The following POLRMT variants were observed in gnomAD, a reference collection of about 807,000 sequenced individuals.
POLRMT encodes RNA polymerase mitochondrial.
POLRMT carries 114 observed loss-of-function variants against 132.2 expected under a neutral mutation model. The ratio of observed to expected loss-of-function variants is 0.86; its 90% CI spans 0.74 to 1.01. The LOEUF is 1.01. Ranked by LOEUF, POLRMT falls within the 50% of genes least tolerant of loss-of-function variation. The pLI is 0.00. For missense variants in POLRMT, 2,003 were observed against 1,729.1 expected (o/e 1.16, Z -2.81); for synonymous variants, 1,020 against 773.4 (o/e 1.32, Z -5.29).
At chr19:622,124 A>T in intron 9 of POLRMT, 25 bp downstream of exon 9, 1 of 1,511,200 alleles carries the variant, frequency 6.6e-7, no homozygotes, top group South Asian at 1.2e-5. Flanking sequence ...GATGCCCCCC[A>T]GCTCAGGAGG....
intron 4 of POLRMT, 33 bp from the exon 5 acceptor site, chr19:624,938 C>G: frequency 3.2e-6 from 5 of 1,581,404 alleles, no homozygotes; most frequent in Non-Finnish European, 4.3e-6. Flanking sequence ...GAGGGACGGG[C>G]CAGCCCCACG....
intron 20 of POLRMT, 37 bp from the exon 21 acceptor site, chr19:617,360 G>T: frequency 3.7e-6 from 6 of 1,612,532 alleles, no homozygotes; most frequent in Non-Finnish European, 5.1e-6. Flanking sequence ...TGGGTGGCGG[G>T]AAAGCCCCGC....
At chr19:617,531 G>T (rs761788637) in intron 19 of POLRMT, 39 bp downstream of exon 19, 12 of 1,608,800 alleles carry the variant, frequency 7.5e-6, no homozygotes, top group South Asian at 2.2e-5. Flanking sequence ...TTTGGGGTGG[G>T]GGGGGAATCC....
chr19:619,505 A>G (rs1205924420), intron 13 of POLRMT, 81 bp downstream of exon 13: 13 of 1,551,102 alleles, frequency 8.4e-6, no homozygotes, highest in East Asian at 4.5e-5. Context: ...TCCTGCTGGG[A>G]GGCTGGGTCG....
chr19:632,513 A>G (rs116637514), intron 2 of POLRMT, among the ~76,000 whole-genome samples: 4,062 of 144,784 alleles, frequency 0.028, 194 homozygotes, highest in African/African-American at 0.099. Context: ...CTGGCTCTGC[A>G]CATGTGGCCT....
rs776393262 is a variant in POLRMT, at chr19:618,793, C to G, written c.3268-33G>C. 5 of 1,567,606 alleles carry G rather than the reference C, an allele frequency of 3.2e-6. No individual in the cohort carries two copies. In the African/African-American group the frequency reaches 5.4e-5, roughly 17 times the overall value. ...GGGGAAGGGGCCGGTGAGTCCCACC[C>G]GAGGCCCAGCACGGTGGTGGTACAT... On this transcript the variant is annotated intron_variant, in intron 15 of 20. Coordinates refer to ENST00000588649, the MANE Select transcript of POLRMT (RefSeq NM_005035.4).
Position 617,616 on chromosome 19 carries a change from T to C in POLRMT, c.3535A>G (p.Ile1179Val), listed in dbSNP as rs1165357944. 1 of 1,612,296 alleles carries C rather than the reference T, an allele frequency of 6.2e-7. No homozygotes were observed. Among genetic ancestry groups the C allele is most frequent in the Non-Finnish European group, 8.5e-7 (1 of 1,179,974 alleles). ...EQFVRLHSEP[I>V]LQDLSRFLVK... ...AGGAATCTGGACAGGTCCTGCAGGA[T>C]GGGCTCGCTGTGCAAGCGGACAAAC... The change falls in exon 19 of 21, where the codon ATC (isoleucine) becomes GTC (valine). Residue 1179 changes from isoleucine to valine, a missense_variant. Coordinates refer to ENST00000588649, the MANE Select transcript of POLRMT (RefSeq NM_005035.4).
intron 3 of POLRMT, among the ~76,000 whole-genome samples, chr19:626,898 C>CACATATATATAT (rs371959370): frequency 2.0e-5 from 3 of 146,736 alleles, no homozygotes; most frequent in African/African-American, 7.6e-5. Context: ...CACACACACA[C>CACATATATATAT]ATATATATAT....
rs74836491 is a variant in POLRMT at position 625,375 on chromosome 19, G to A, written c.823-121C>T. 7,376 of 1,385,872 alleles carry A rather than the reference G, an allele frequency of 5.3e-3. 351 individuals carry two copies. In the African/African-American group the frequency reaches 0.097, roughly 18 times the overall value. The allele number at this position is 1,385,872 out of a possible 1,614,324, so 85.8% of individuals were successfully genotyped here. ...AGCAGGGGACAGGGTCACCAGGCAG[G>A]AGTGGCCAGCTGGGCAGACCGATGC... is the stretch of plus-strand genomic sequence containing the variant. On this transcript the variant is annotated intron_variant, in intron 3 of 20. Transcript: ENST00000588649.
Position 622,576 on chromosome 19 carries a change from C to A in POLRMT, c.1626+6G>T. On this transcript the variant is annotated splice_donor_region_variant and intron_variant, in intron 8 of 20. Coordinates refer to ENST00000588649, the MANE Select transcript of POLRMT (RefSeq NM_005035.4). ...CAGCCAGGAGGAGAGGGGGTGCGAG[C>A]CTCACCTCGGCGTCGGAGGCCAGCA... The A allele has an allele frequency of 6.3e-7, 1 of 1,595,352 alleles. No individual in the cohort carries two copies. Among genetic ancestry groups the A allele is most frequent in the Non-Finnish European group, 8.5e-7 (1 of 1,170,804 alleles).
Position 618,560 on chromosome 19 carries a change from T to C in POLRMT, c.3350A>G (p.Asn1117Ser), listed in dbSNP as rs1984206154. Residue 1117 changes from asparagine to serine, a missense_variant, in exon 17 of 21, where the codon AAC (asparagine) becomes AGC (serine). By Grantham distance (46) the Asn-to-Ser change is conservative (BLOSUM62 1). Transcript: ENST00000588649. Reference protein sequence around the residue: ...SRKPNTRKQKNGFPPNFIHSL... With the variant: ...SRKPNTRKQKSGFPPNFIHSL... ...GTGGATGAAGTTGGGCGGGAAGCCG[T>C]TCTTCTGCTTACGTGTGTTGGGCTT... 6.2e-7 allele frequency: 1 copy of C among 1,613,258 alleles called. No individual in the cohort carries two copies. Among genetic ancestry groups the C allele is most frequent in the East Asian group, 2.2e-5 (1 of 44,854 alleles).
chr19:631,114 G>A (rs1164338931), intron 2 of POLRMT, among the ~76,000 whole-genome samples: 1 of 151,908 alleles, frequency 6.6e-6, no homozygotes, highest in Non-Finnish European at 1.5e-5. Flanking sequence ...ACTCAAGATA[G>A]CGCCATTGAA....
rs749322319 is a variant in POLRMT, at chr19:625,112, G to A, written c.953+12C>T. ...CATGGTGGGGGGTGGGGGCCCTCCC[G>A]ACACCACCTACCTTTCGATGGTCCC... On this transcript the variant is annotated intron_variant, in intron 4 of 20. Transcript: ENST00000588649. 68 of 1,609,778 alleles carry A rather than the reference G, an allele frequency of 4.2e-5. No homozygotes were observed. The highest frequency in any genetic ancestry group is 5.5e-5 in the South Asian group (5 of 90,616).
At chr19:626,087 G>T (rs537676826) in intron 3 of POLRMT, among the ~76,000 whole-genome samples, 3 of 152,138 alleles carry the variant, frequency 2.0e-5, no homozygotes, top group Non-Finnish European at 4.4e-5. Flanking sequence ...CTGACAGGTG[G>T]TGTTTTCATT....
At position 622,234 on chromosome 19, in the gene POLRMT, A is replaced by C. The variant is rs1568168725; in HGVS notation, c.1766T>G (p.Met589Arg). ...ATGCGGCTTGTCCAGGCTGCATGGC[A>C]TCTGCGTAGCCTGCACCAGCATCTC... ...LAEMLVQATQ[M>R]PCSLDKPHRS... is the part of the protein sequence containing the mutation. The change falls in exon 9 of 21, where the codon ATG (methionine) becomes AGG (arginine). Residue 589 changes from methionine to arginine, a missense_variant. Transcript: ENST00000588649. The C allele has an allele frequency of 1.9e-6, 3 of 1,561,524 alleles. No individual in the cohort carries two copies. The highest frequency in any genetic ancestry group is 1.4e-5 in the African/African-American group (1 of 73,368).
At chr19:622,467 C>T (rs1984691153) in intron 8 of POLRMT, 94 bp from the exon 9 acceptor site, 3 of 1,465,878 alleles carry the variant, frequency 2.0e-6, no homozygotes, top group South Asian at 1.4e-5. Context: ...CATCTGTCAG[C>T]CCAAGCATAC....
rs776716235 is a variant in POLRMT, at chr19:630,106, C to T, written c.256G>A (p.Val86Met). The change falls in exon 3 of 21, where the codon GTG (valine) becomes ATG (methionine). Residue 86 changes from valine to methionine, a missense_variant. By Grantham distance (21) the Val-to-Met change is conservative (BLOSUM62 1). Transcript: ENST00000588649. ...CATTCTGGGAGCCGCGCCACATCCA[C>T]CCTGTTCACCACCACCTCCGACACG... Reference protein sequence around the residue: ...ESVSEVVVNRVDVARLPECGS... With the variant: ...ESVSEVVVNRMDVARLPECGS... 7 of 1,613,272 alleles carry T rather than the reference C, an allele frequency of 4.3e-6. No individual in the cohort carries two copies. In the South Asian group the frequency reaches 5.5e-5, roughly 13 times the overall value.
intron 6 of POLRMT, 53 bp downstream of exon 6, chr19:623,401 G>A (rs912333285): frequency 1.9e-6 from 3 of 1,591,230 alleles, no homozygotes; most frequent in East Asian, 2.3e-5. Flanking sequence ...CGGTGGACAC[G>A]CGACCCCGGC....
intron 2 of POLRMT, among the ~76,000 whole-genome samples, chr19:630,934 G>A (rs907138101): frequency 2.0e-5 from 3 of 152,164 alleles, no homozygotes; most frequent in Non-Finnish European, 2.9e-5. Context: ...GAGGCAGGAA[G>A]ATCACCTAAG....
Sources: gnomAD v4.1 joint callset for allele counts (sites outside exome capture counted in the v4.1 genomes callset) on GRCh38, gnomAD v4.1.1 for gene constraint, MANE v1.5 for transcripts, NCBI Gene and HGNC (gene_info 2026-07-23, HGNC 2026-07-21) for gene names.